CBFB: variants seen among roughly 807,000 people sequenced by gnomAD.
CBFB encodes CBF-beta.
Under a neutral mutation model 30.4 loss-of-function variants are expected in CBFB, and 9 were observed. That is an observed-to-expected ratio of 0.30 (90% CI 0.18 to 0.52). The LOEUF is 0.52. Ranked by LOEUF, CBFB falls within the 20% of genes least tolerant of loss-of-function variation. The pLI, the probability that CBFB is intolerant of heterozygous loss-of-function variation, is 0.97. For synonymous variants in CBFB, 94 were observed against 84.0 expected, an observed-to-expected ratio of 1.12 and a Z score of -0.65; for missense variants, 170 against 244.0, an observed-to-expected ratio of 0.70 and a Z score of 2.02.
At chr16:67,045,137 C>T (rs1447740895) in intron 3 of CBFB, among the ~76,000 whole-genome samples, 1 of 151,808 alleles carries the variant, frequency 6.6e-6, no homozygotes, top group African/African-American at 2.4e-5. Context: ...GCTGGCAGAG[C>T]GTTTGTATTT....
At chr16:67,089,188 C>A (rs565067201) in intron 5 of CBFB, among the ~76,000 whole-genome samples, 1 of 152,064 alleles carries the variant, frequency 6.6e-6, no homozygotes, top group Non-Finnish European at 1.5e-5. Context: ...ATGTTAGTAA[C>A]CTTTACCAAA....
At chr16:67,094,138 T>A (rs1038678722) in intron 5 of CBFB, among the ~76,000 whole-genome samples, 34 of 137,364 alleles carry the variant, frequency 2.5e-4, no homozygotes, top group East Asian at 1.2e-3. Flanking sequence ...TTTTTTTTTT[T>A]AAAGAGATGG....
At chr16:67,064,446 C>T (rs747812337) in intron 3 of CBFB, among the ~76,000 whole-genome samples, 6 of 152,098 alleles carry the variant, frequency 3.9e-5, no homozygotes, top group African/African-American at 1.4e-4. Flanking sequence ...ATCTTGTGAT[C>T]CACCCGCCTC....
chr16:67,032,140 A>G (rs901407846), intron 2 of CBFB, among the ~76,000 whole-genome samples: 2 of 151,838 alleles, frequency 1.3e-5, no homozygotes, highest in Admixed American at 1.3e-4. Flanking sequence ...ATGCTGTAAT[A>G]TTATAGTAGT....
At position 67,029,828 on chromosome 16, in the gene CBFB, C is replaced by T. The variant is rs754269707; in HGVS notation, c.165+15C>T. ...GCTCGGAAATCGTAAGTCGGCTGGC[C>T]CGGGGCGCGCGCGGGTCACTTGTTG... On this transcript the variant is annotated intron_variant, in intron 2 of 5. Transcript: ENST00000412916. 73 of 1,568,060 alleles carry T rather than the reference C, an allele frequency of 4.7e-5. 1 individual carries two copies. Among genetic ancestry groups the T allele is most frequent in the Admixed American group, 1.8e-5 (1 of 55,712 alleles).
chr16:67,096,945 ACATC>A (rs1345420752), intron 5 of CBFB, among the ~76,000 whole-genome samples: 1 of 151,286 alleles, frequency 6.6e-6, no homozygotes, highest in African/African-American at 2.4e-5. Flanking sequence ...AAAAAAAAAT[ACATC>A]TGAGTCGTAC....
At chr16:67,030,052 G>A in intron 2 of CBFB, 1 of 445,986 alleles carries the variant, frequency 2.2e-6, no homozygotes, top group Non-Finnish European at 3.9e-6. Flanking sequence ...ACCGCGAGTG[G>A]AGCTCGAACC....
chr16:67,053,647 A>G (rs1475040773), intron 3 of CBFB, among the ~76,000 whole-genome samples: 1 of 151,788 alleles, frequency 6.6e-6, no homozygotes, highest in African/African-American at 2.4e-5. Flanking sequence ...GAATTTTTAG[A>G]GCCTCCCTGG....
At chr16:67,034,168 G>A (rs1257914022) in intron 2 of CBFB, among the ~76,000 whole-genome samples, 1 of 152,048 alleles carries the variant, frequency 6.6e-6, no homozygotes, top group African/African-American at 2.4e-5. Flanking sequence ...TGTTGGAGAC[G>A]TCTTCAACAC....
At chr16:67,030,117 G>A (rs1039596252) in intron 2 of CBFB, 2 of 323,692 alleles carry the variant, frequency 6.2e-6, no homozygotes, top group Non-Finnish European at 1.1e-5. Flanking sequence ...CCGAAGAAGG[G>A]TTCAGGGTAT....
chr16:67,035,522 T>C (rs1477034542), intron 2 of CBFB, among the ~76,000 whole-genome samples: 1 of 152,206 alleles, frequency 6.6e-6, no homozygotes, highest in Non-Finnish European at 1.5e-5. Context: ...AGCATTTAGG[T>C]TGACAAGTGT....
chr16:67,036,551 A>G (rs536968485), intron 2 of CBFB, 88 bp from the exon 3 acceptor site: 2 of 781,516 alleles, frequency 2.6e-6, no homozygotes, highest in Non-Finnish European at 4.6e-6. Flanking sequence ...CTGGCTTAAG[A>G]CATAAACTGA....
intron 2 of CBFB, among the ~76,000 whole-genome samples, chr16:67,031,620 C>T (rs1966350700): frequency 6.6e-6 from 1 of 152,344 alleles, no homozygotes; most frequent in South Asian, 2.1e-4. Flanking sequence ...AAGCGATTCT[C>T]CTGCCTCAGC....
In CBFB at chr16:67,029,710, G is replaced by A; in HGVS notation, c.79-17G>A. The A allele has an allele frequency of 3.8e-6, 6 of 1,578,596 alleles. No individual in the cohort carries two copies. Among genetic ancestry groups the A allele is most frequent in the Non-Finnish European group, 5.2e-6 (6 of 1,161,840 alleles). On this transcript the variant is annotated splice_polypyrimidine_tract_variant and intron_variant, in intron 1 of 5. Transcript: ENST00000412916. ...CCGCGGATTTGGCTCCTGATTTCGG[G>A]CCGTCTTGCCTTGCAGATTAAGTAC...
At chr16:67,087,225 A>G (rs998216193) in intron 5 of CBFB, among the ~76,000 whole-genome samples, 2 of 152,166 alleles carry the variant, frequency 1.3e-5, no homozygotes, top group African/African-American at 4.8e-5. Flanking sequence ...AAGCTTTTGT[A>G]TGTATTTTGC....
chr16:67,097,316 C>T (rs1309453632), intron 5 of CBFB, among the ~76,000 whole-genome samples: 5 of 152,048 alleles, frequency 3.3e-5, no homozygotes, highest in African/African-American at 9.7e-5. Context: ...GAGGCCGAGG[C>T]GGGCAGATCA....
chr16:67,063,313 AT>A (rs1357262034), intron 3 of CBFB, among the ~76,000 whole-genome samples: 1 of 152,104 alleles, frequency 6.6e-6, no homozygotes, highest in African/African-American at 2.4e-5. Context: ...AACCTTTTGT[AT>A]TTTGGTTATT....
intron 5 of CBFB, 70 bp downstream of exon 5, chr16:67,082,378 A>G: frequency 6.4e-7 from 1 of 1,569,376 alleles, no homozygotes; most frequent in Non-Finnish European, 8.7e-7. Context: ...TGTGTTTGTG[A>G]TGTTTGTGCA....
At chr16:67,053,557 C>G (rs969186344) in intron 3 of CBFB, among the ~76,000 whole-genome samples, 1 of 151,956 alleles carries the variant, frequency 6.6e-6, no homozygotes, top group African/African-American at 2.4e-5. Context: ...ACCCAGCCTT[C>G]TAATGTCACT....
Sources: allele counts gnomAD v4.1 joint callset (sites outside exome capture counted in the v4.1 genomes callset), GRCh38; gene constraint gnomAD v4.1.1; transcripts MANE v1.5; gene names NCBI Gene and HGNC (gene_info 2026-07-23, HGNC 2026-07-21).